MALRD1: variants seen among roughly 807,000 people sequenced by gnomAD.
MALRD1 encodes MAM and LDL-receptor class A domain-containing protein 1.
A neutral mutation model predicts 242.1 loss-of-function variants in MALRD1; 247 were observed. That is an observed-to-expected ratio of 1.02 (90% CI 0.92 to 1.13). The LOEUF (loss-of-function observed/expected upper bound fraction) is 1.13, where lower values mean the gene tolerates loss of function less well. Among genes scored for constraint, MALRD1 ranks in the 50% most tolerant of loss-of-function variants. The pLI is 0.00. For synonymous variants in MALRD1, 995 were observed against 866.6 expected (o/e 1.15, Z -2.60); for missense variants, 2,989 against 2,533.1 (o/e 1.18, Z -3.86).
At position 19,317,343 on chromosome 10, in the gene MALRD1, A is replaced by C. The variant is rs1044145733; in HGVS notation, c.3420-6606A>C. Among the ~76,000 whole-genome samples the C allele has an allele frequency of 1.6e-4, 24 of 151,916 alleles. 1 individual carries two copies. Among genetic ancestry groups the C allele is most frequent in the Non-Finnish European group, 2.4e-4 (16 of 67,952 alleles). ...TAAGGAAAGTAATCCCAATCATGAC[A>C]GTTTTACCCTAAAAACCCAACCACC... On this transcript the variant is annotated intron_variant, in intron 21 of 39. Coordinates refer to ENST00000454679, the MANE Select transcript of MALRD1 (RefSeq NM_001142308.3).
intron 31 of MALRD1, among the ~76,000 whole-genome samples, chr10:19,518,328 T>C (rs1228019829): frequency 6.6e-6 from 1 of 152,246 alleles, no homozygotes. Flanking sequence ...GCAATTTCAG[T>C]GTCCATAAAT....
At position 19,224,302 on chromosome 10, in the gene MALRD1, T is replaced by TC. The variant is rs1491485966; in HGVS notation, c.2991+14623dup. 3.5e-5 allele frequency among the ~76,000 whole-genome samples: 5 copies of TC among 140,954 alleles called. No homozygotes were observed. The East Asian group carries it at 1.0e-3, about 28-fold the overall frequency. 92.5% of individuals were successfully genotyped at this position (140,954 alleles called of 152,430 possible). The stretch of plus-strand genomic sequence containing the variant: ...TGATGAGCTTTTTTTTTTTTTTTTT[T>TC]CTTCGAGACAGCCTCACTCTGTCAC... On this transcript the variant is annotated intron_variant, in intron 18 of 39. Coordinates refer to ENST00000454679, the MANE Select transcript of MALRD1 (RefSeq NM_001142308.3).
At chr10:19,451,225 G>T (rs968484855) in intron 29 of MALRD1, among the ~76,000 whole-genome samples, 1 of 151,920 alleles carries the variant, frequency 6.6e-6, no homozygotes, top group Non-Finnish European at 1.5e-5. Flanking sequence ...GTAAAAACAG[G>T]TTAGAAATCT....
chr10:19,059,829 A>C (rs1834770787), intron 1 of MALRD1, among the ~76,000 whole-genome samples: 1 of 152,144 alleles, frequency 6.6e-6, no homozygotes, highest in South Asian at 2.1e-4. Flanking sequence ...ATGTAAGCGG[A>C]TTCATTTTCT....
intron 35 of MALRD1, among the ~76,000 whole-genome samples, chr10:19,612,088 C>T (rs983667737): frequency 6.6e-6 from 1 of 151,990 alleles, no homozygotes; most frequent in East Asian, 1.9e-4. Context: ...CAGTCTCAGA[C>T]ACTCTTCTCA....
In MALRD1 at chr10:19,297,677, A is replaced by G. The variant is rs538670941; in HGVS notation, c.3419+14496A>G. Among the ~76,000 whole-genome samples the G allele has an allele frequency of 4.0e-4, 61 of 152,024 alleles. 1 individual carries two copies. Among genetic ancestry groups the G allele is most frequent in the African/African-American group, 1.4e-3 (59 of 41,458 alleles). ...GCAATTTTATAGCTATTTTGCATAC[A>G]AGATATGAGAAATATTTTATGCAAG... is the stretch of plus-strand genomic sequence containing the variant. On this transcript the variant is annotated intron_variant, in intron 21 of 39. Transcript: ENST00000454679.
intron 24 of MALRD1, among the ~76,000 whole-genome samples, chr10:19,340,143 C>T (rs1362333573): frequency 6.6e-6 from 1 of 152,046 alleles, no homozygotes; most frequent in Non-Finnish European, 1.5e-5. Flanking sequence ...AGAGCCAAAC[C>T]ATTTCATAGT....
At chr10:19,296,920 A>T (rs1588872814) in intron 21 of MALRD1, among the ~76,000 whole-genome samples, 1 of 151,754 alleles carries the variant, frequency 6.6e-6, no homozygotes, top group South Asian at 2.1e-4. Context: ...TCTCATGATT[A>T]TTACTAATTA....
intron 4 of MALRD1, among the ~76,000 whole-genome samples, chr10:19,101,741 CATATATA>C (rs1564391991): frequency 7.4e-6 from 1 of 134,566 alleles, no homozygotes; most frequent in African/African-American, 2.7e-5. Flanking sequence ...CATTATATCA[CATATATA>C]ATATATATTA....
At chr10:19,465,412 A>G (rs7917701) in intron 29 of MALRD1, among the ~76,000 whole-genome samples, 7,284 of 152,240 alleles carry the variant, frequency 0.048, 575 homozygotes, top group African/African-American at 0.16. Flanking sequence ...TGACTTTAAC[A>G]TATATTGTCA....
At chr10:19,509,327 G>A (rs973241374) in intron 31 of MALRD1, among the ~76,000 whole-genome samples, 1 of 152,180 alleles carries the variant, frequency 6.6e-6, no homozygotes, top group African/African-American at 2.4e-5. Context: ...CTAGGCATCT[G>A]CCTCATTTGG....
chr10:19,335,118 C>T (rs1843547410), intron 24 of MALRD1, among the ~76,000 whole-genome samples: 1 of 151,354 alleles, frequency 6.6e-6, no homozygotes, highest in Non-Finnish European at 1.5e-5. Flanking sequence ...TAATCATGAA[C>T]CTTTGGAGGA....
chr10:19,088,208 C>T, intron 4 of MALRD1, 23 bp downstream of exon 4: 2 of 1,232,272 alleles, frequency 1.6e-6, no homozygotes, highest in South Asian at 4.1e-5. Flanking sequence ...TATTTTCTAA[C>T]TATGGCCTTG....
chr10:19,166,978 T>C (rs1046501003), intron 13 of MALRD1, among the ~76,000 whole-genome samples: 5 of 152,154 alleles, frequency 3.3e-5, no homozygotes, highest in African/African-American at 1.2e-4. Flanking sequence ...AAACCAGTGA[T>C]GATAAAAGCA....
chr10:19,211,684 CAAAAAAAAAAAAAAAAAAAAAA>C (rs71387056), intron 18 of MALRD1, among the ~76,000 whole-genome samples: 1 of 67,324 alleles, frequency 1.5e-5, no homozygotes, highest in African/African-American at 6.2e-5. Context: ...TGACTCCTCA[CAAAAAAAAAAAAAAAAAAAAAA>C]AAAAAAAAAA....
chr10:19,283,286 A>G (rs1840913017), intron 21 of MALRD1, 105 bp downstream of exon 21: 4 of 959,452 alleles, frequency 4.2e-6, no homozygotes, highest in Non-Finnish European at 5.5e-6. Flanking sequence ...TACTGTAAAG[A>G]CAAATGTTAA....
rs569666243 is a variant in MALRD1 at position 19,681,751 on chromosome 10, G to T, written c.6138-10531G>T. 1.2e-3 allele frequency among the ~76,000 whole-genome samples: 185 copies of T among 149,610 alleles called. 1 individual carries two copies. Among genetic ancestry groups the T allele is most frequent in the African/African-American group, 4.3e-3 (176 of 40,764 alleles). On this transcript the variant is annotated intron_variant, in intron 36 of 39. Coordinates refer to ENST00000454679, the MANE Select transcript of MALRD1 (RefSeq NM_001142308.3). ...AGGAAAAGAGGCACTCTGGGTTTTT[G>T]AGTTTTCTGCATTTTTTCGTTGATT...
At chr10:19,539,937 T>C in intron 32 of MALRD1, among the ~76,000 whole-genome samples, 1 of 149,082 alleles carries the variant, frequency 6.7e-6, no homozygotes, top group Non-Finnish European at 1.5e-5. Context: ...GTGATGGGGT[T>C]TTGCCATGTT....
intron 19 of MALRD1, among the ~76,000 whole-genome samples, chr10:19,263,023 A>G (rs557898142): frequency 2.0e-5 from 3 of 152,240 alleles, no homozygotes; most frequent in African/African-American, 7.2e-5. Context: ...TTCTTTATCC[A>G]TTCATCTATC....
Sources: gnomAD v4.1 joint callset for allele counts (sites outside exome capture counted in the v4.1 genomes callset) on GRCh38, gnomAD v4.1.1 for gene constraint, MANE v1.5 for transcripts, NCBI Gene and HGNC (gene_info 2026-07-23, HGNC 2026-07-21) for gene names.